The following PC variants were observed in gnomAD, a reference collection of about 807,000 sequenced individuals.
PC encodes the protein pyruvate carboxylase.
In PC, 46 loss-of-function variants were observed where a neutral mutation model predicts 107.8. The observed-to-expected ratio is 0.43, with a 90% confidence interval of 0.34 to 0.55. PC has a LOEUF of 0.55. PC is among the 20% of genes least tolerant of loss of function. PC has a pLI of 0.04. For synonymous variants in PC, 662 were observed against 684.7 expected (o/e 0.97, Z 0.52); for missense variants, 1,241 against 1,643.1 (o/e 0.76, Z 4.23).
chr11:66,857,665 G>A lies in PC; in HGVS notation c.1369-4282C>T. ...CAGGCTCACAGAAGCTGGCTTCTGG[G>A]ACTGTCCTGGGCCCAAGTGGGCACC... On this transcript the variant is annotated intron_variant, in intron 12 of 22. Transcript: ENST00000393960. This position sits in a 1 kb window ranked among gnomAD's most constrained non-coding sequence, Gnocchi z 7.1. 1 of 1,443,288 alleles carries A rather than the reference G, an allele frequency of 6.9e-7. No individual in the cohort carries two copies. The highest frequency in any genetic ancestry group is 2.4e-5 in the East Asian group (1 of 41,562). The allele number at this position is 1,443,288 out of a possible 1,614,324, so 89.4% of individuals were successfully genotyped here.
intron 3 of PC, among the ~76,000 whole-genome samples, chr11:66,918,558 A>C (rs1368368840): frequency 6.6e-6 from 1 of 151,688 alleles, no homozygotes; most frequent in African/African-American, 2.4e-5. Context: ...ATTTTTGTAG[A>C]GATGGGGTTT....
intron 3 of PC, among the ~76,000 whole-genome samples, chr11:66,906,473 C>T (rs928132047): frequency 6.6e-6 from 1 of 152,180 alleles, no homozygotes; most frequent in African/African-American, 2.4e-5. Flanking sequence ...AACAAAGCCA[C>T]GGTGCTCAAT....
At chr11:66,860,680 A>G in intron 12 of PC, 4 of 701,452 alleles carry the variant, frequency 5.7e-6, no homozygotes, top group Non-Finnish European at 1.0e-5. Flanking sequence ...CTGCAAGAGC[A>G]TGGGCTTGGG....
chr11:66,917,260 C>T (rs893750683), intron 3 of PC, among the ~76,000 whole-genome samples: 2 of 151,968 alleles, frequency 1.3e-5, no homozygotes, highest in Admixed American at 6.6e-5. Context: ...TTAGTAGAGA[C>T]GGGGTTTCAT....
At position 66,849,219 on chromosome 11, in the gene PC, G is replaced by T. The variant is rs780090371; in HGVS notation, c.3288+11C>A. On this transcript the variant is annotated intron_variant, in intron 22 of 22. Coordinates refer to ENST00000393960, the MANE Select transcript of PC (RefSeq NM_001040716.2). ...GCCCCACCGCCTGGCTGGCCCTGGG[G>T]GAGACAATACCTTCATGGCCTGGGT... 4 of 1,613,788 alleles carry T rather than the reference G, an allele frequency of 2.5e-6. No homozygotes were observed. Among genetic ancestry groups the T allele is most frequent in the Non-Finnish European group, 3.4e-6 (4 of 1,180,038 alleles).
At position 66,848,557 on chromosome 11, in the gene PC, T is replaced by G; in HGVS notation, c.*342A>C. 1 of 595,732 alleles carries G rather than the reference T, an allele frequency of 1.7e-6. No individual in the cohort carries two copies. The highest frequency in any genetic ancestry group is 3.0e-6 in the Non-Finnish European group (1 of 334,662). The allele number at this position is 595,732 out of a possible 1,614,324, so 36.9% of individuals were successfully genotyped here. On this transcript the variant is annotated 3_prime_UTR_variant, in exon 23 of 23. Transcript: ENST00000393960. Reference sequence around the variant, plus strand: ...GAAAGCCAGCTTTATTGAGTAAACTTCCCAGGACCTGGGACATCTTAGATC... The same window carrying G: ...GAAAGCCAGCTTTATTGAGTAAACTGCCCAGGACCTGGGACATCTTAGATC...
chr11:66,943,610 G>T (rs964146564), intron 3 of PC, among the ~76,000 whole-genome samples: 2 of 151,254 alleles, frequency 1.3e-5, no homozygotes, highest in African/African-American at 2.4e-5. Flanking sequence ...AATTTGCCGG[G>T]CGTGGTGGCA....
At chr11:66,886,706 A>G (rs1372837927) in intron 3 of PC, among the ~76,000 whole-genome samples, 1 of 152,154 alleles carries the variant, frequency 6.6e-6, no homozygotes, top group Non-Finnish European at 1.5e-5. Flanking sequence ...CGATGGCAAC[A>G]CCAAATTAAA....
rs1018161408 is a variant in PC at position 66,861,180 on chromosome 11, C to G, written c.1368+2594G>C. ...GGCAGCCGGATGGGCACGAGCCCTG[C>G]TTTCTCTGCTAGGACCCCTGGCCAG... On this transcript the variant is annotated intron_variant, in intron 12 of 22. Coordinates refer to ENST00000393960, the MANE Select transcript of PC (RefSeq NM_001040716.2). 5.9e-5 allele frequency among the ~76,000 whole-genome samples: 9 copies of G among 152,210 alleles called. No individual in the cohort carries two copies. The South Asian group carries it at 1.4e-3, about 24-fold the overall frequency.
chr11:66,858,674 T>C lies in PC; in HGVS notation c.1368+5100A>G. Reference sequence around the variant, plus strand: ...GCCGGGCCCTGGGTGACCCCGCGCCTACCATGCACTGGGTCGGTCCTGACG... The same window carrying C: ...GCCGGGCCCTGGGTGACCCCGCGCCCACCATGCACTGGGTCGGTCCTGACG... On this transcript the variant is annotated intron_variant, in intron 12 of 22. Coordinates refer to ENST00000393960, the MANE Select transcript of PC (RefSeq NM_001040716.2). This position sits in a 1 kb window ranked among gnomAD's most constrained non-coding sequence, Gnocchi z 5.9. 2 of 1,545,226 alleles carry C rather than the reference T, an allele frequency of 1.3e-6. No individual in the cohort carries two copies. Among genetic ancestry groups the C allele is most frequent in the Non-Finnish European group, 1.7e-6 (2 of 1,143,720 alleles).
chr11:66,863,567 G>A (rs1946366449), intron 12 of PC, among the ~76,000 whole-genome samples: 2 of 152,226 alleles, frequency 1.3e-5, no homozygotes, highest in African/African-American at 4.8e-5. Context: ...AGGGACTCTG[G>A]CAGCGGGTTG....
intron 12 of PC, chr11:66,860,245 A>C: frequency 6.5e-7 from 1 of 1,537,914 alleles, no homozygotes; most frequent in Non-Finnish European, 8.7e-7. Flanking sequence ...CGTGGGGCAG[A>C]GGGCCCGGGG....
At chr11:66,890,791 C>T (rs1947547960) in intron 3 of PC, among the ~76,000 whole-genome samples, 1 of 151,992 alleles carries the variant, frequency 6.6e-6, no homozygotes, top group Admixed American at 6.6e-5. Flanking sequence ...AGGCATGAGC[C>T]ACCTCCCCCG....
chr11:66,859,996 C>CCCACCCGCCGCGGAG, intron 12 of PC: 2 of 1,595,856 alleles, frequency 1.3e-6, no homozygotes, highest in Non-Finnish European at 1.7e-6. Context: ...ACACCCAAGG[C>CCCACCCGCCGCGGAG]CCACCCGCCG....
Position 66,857,219 on chromosome 11 carries a change from G to T in PC, c.1369-3836C>A, listed in dbSNP as rs920917050. On this transcript the variant is annotated intron_variant, in intron 12 of 22. Transcript: ENST00000393960. The surrounding 1 kb of genome is among the most constrained non-coding windows in gnomAD (Gnocchi z 7.1). ...TCATCCCCGGGCCTCGTCCCCGCGG[G>T]AGAGCGGCCAGGAGTCGGCGGGGGC... 6.7e-6 allele frequency: 1 copy of T among 149,690 alleles called. No homozygotes were observed. Among genetic ancestry groups the T allele is most frequent in the Non-Finnish European group, 1.5e-5 (1 of 67,132 alleles). 9.3% of individuals were successfully genotyped at this position (149,690 alleles called of 1,614,324 possible).
chr11:66,852,920 A>ACC lies in PC; in HGVS notation c.1514-85_1514-84insGG, dbSNP rs913779779. On this transcript the variant is annotated intron_variant, in intron 13 of 22. Transcript: ENST00000393960. The surrounding 1 kb of genome is among the most constrained non-coding windows in gnomAD (Gnocchi z 4.7). ...GCAGTGAGAGTGGCTGGGCTCAGGG[A>ACC]CAGGGACACATCCCTCCAGGATCCC... 5.8e-6 allele frequency: 6 copies of ACC among 1,035,110 alleles called. No individual in the cohort carries two copies. The African/African-American group carries it at 9.6e-5, about 17-fold the overall frequency. The allele number at this position is 1,035,110 out of a possible 1,614,324, so 64.1% of individuals were successfully genotyped here. A position where few individuals can be genotyped will look rare whatever the true frequency, so the allele number is the denominator to read the frequency against.
chr11:66,907,904 T>C (rs1198916605), intron 3 of PC: 2 of 152,334 alleles, frequency 1.3e-5, no homozygotes, highest in African/African-American at 4.8e-5. Context: ...GCTGCCTGTT[T>C]ATAATTGATG....
At chr11:66,882,427 T>C (rs1457267415) in intron 3 of PC, among the ~76,000 whole-genome samples, 1 of 152,232 alleles carries the variant, frequency 6.6e-6, no homozygotes, top group African/African-American at 2.4e-5. Context: ...GACCAGGCCC[T>C]GCTTCAGGGG....
intron 3 of PC, among the ~76,000 whole-genome samples, chr11:66,903,000 T>G (rs1250947920): frequency 6.6e-6 from 1 of 152,232 alleles, no homozygotes; most frequent in African/African-American, 2.4e-5. Context: ...ATCCACCTGC[T>G]GAGCAGCTGC....
Sources: allele counts gnomAD v4.1 joint callset (sites outside exome capture counted in the v4.1 genomes callset), GRCh38; gene constraint gnomAD v4.1.1; non-coding constraint Gnocchi (gnomAD v3.1); transcripts MANE v1.5; gene names NCBI Gene and HGNC (gene_info 2026-07-23, HGNC 2026-07-21).